MIPOL1: variants seen among roughly 807,000 people sequenced by gnomAD.
The protein encoded by MIPOL1 is mirror-image polydactyly gene 1 protein.
A neutral mutation model predicts 60.9 loss-of-function variants in MIPOL1; 57 were observed. The observed-to-expected ratio is 0.94, with a 90% confidence interval of 0.76 to 1.17. The LOEUF (loss-of-function observed/expected upper bound fraction) is 1.17, where lower values mean the gene tolerates loss of function less well. MIPOL1 is among the 50% of genes most tolerant of loss of function. The probability of loss-of-function intolerance (pLI) is 0.00; values close to 1 mark genes in which losing one functional copy is unlikely to be tolerated. For synonymous variants in MIPOL1, 179 were observed against 168.8 expected (o/e 1.06, Z -0.47); for missense variants, 551 against 511.6 (o/e 1.08, Z -0.74).
chr14:37,358,454 A>G (rs1270367278), intron 9 of MIPOL1, among the ~76,000 whole-genome samples: 2 of 151,962 alleles, frequency 1.3e-5, no homozygotes, highest in Non-Finnish European at 2.9e-5. Flanking sequence ...CACTCCCACC[A>G]AGTGTAAAAG....
At chr14:37,407,281 C>A (rs1230109908) in intron 10 of MIPOL1, among the ~76,000 whole-genome samples, 2 of 152,022 alleles carry the variant, frequency 1.3e-5, no homozygotes. Flanking sequence ...CACTACTAAT[C>A]CAAAGTCTAA....
At chr14:37,515,292 G>GAA (rs368304881) in intron 12 of MIPOL1, among the ~76,000 whole-genome samples, 18 of 127,628 alleles carry the variant, frequency 1.4e-4, no homozygotes, top group South Asian at 2.4e-4. Context: ...TAAATATAAT[G>GAA]AAAAAAAAAA....
chr14:37,254,557 C>T (rs1974614705), intron 3 of MIPOL1, among the ~76,000 whole-genome samples: 1 of 151,764 alleles, frequency 6.6e-6, no homozygotes, highest in Non-Finnish European at 1.5e-5. Context: ...CCCACAAACA[C>T]CCAACCTCTG....
chr14:37,306,005 A>G (rs1289399938), intron 7 of MIPOL1, among the ~76,000 whole-genome samples: 3 of 151,902 alleles, frequency 2.0e-5, no homozygotes, highest in Non-Finnish European at 4.4e-5. Context: ...AATTATTTAA[A>G]GTCTGAATAC....
chr14:37,359,940 A>C (rs972016377), intron 9 of MIPOL1, among the ~76,000 whole-genome samples: 7 of 152,076 alleles, frequency 4.6e-5, no homozygotes, highest in African/African-American at 1.7e-4. Context: ...CATTCAGTAT[A>C]ATATTGGCTG....
intron 11 of MIPOL1, among the ~76,000 whole-genome samples, chr14:37,494,480 C>A (rs1318093444): frequency 6.6e-6 from 1 of 152,116 alleles, no homozygotes; most frequent in South Asian, 2.1e-4. Flanking sequence ...CAAACAAATA[C>A]CTTCAGCAGA....
rs896068688 is a variant in MIPOL1, at chr14:37,549,955, A to C, written c.*2984A>C. On this transcript the variant is annotated 3_prime_UTR_variant, in exon 13 of 13. Coordinates refer to ENST00000684589, the MANE Select transcript of MIPOL1 (RefSeq NM_001388067.1). ...CTTCAAGGCTTGCTCTATCTCCTAG[A>C]GCAATTTAGAGCTAAAACCAGTAAT... 6.6e-6 allele frequency: 1 copy of C among 151,972 alleles called. No homozygotes were observed. Among genetic ancestry groups the C allele is most frequent in the Non-Finnish European group, 1.5e-5 (1 of 67,844 alleles). The allele number at this position is 151,972 out of a possible 1,614,324, so 9.4% of individuals were successfully genotyped here. A position where few individuals can be genotyped will look rare whatever the true frequency, so the allele number is the denominator to read the frequency against.
intron 7 of MIPOL1, among the ~76,000 whole-genome samples, chr14:37,297,294 G>A (rs1378497349): frequency 8.5e-5 from 13 of 152,162 alleles, no homozygotes; most frequent in Non-Finnish European, 7.3e-5. Context: ...AGGTATTGAT[G>A]GGATGTATCT....
At chr14:37,445,833 T>G (rs1047200173) in intron 11 of MIPOL1, among the ~76,000 whole-genome samples, 12 of 152,342 alleles carry the variant, frequency 7.9e-5, no homozygotes, top group African/African-American at 2.9e-4. Context: ...AAGGATTCCC[T>G]GTTTAATAAA....
At chr14:37,419,445 A>C (rs1205519891) in intron 10 of MIPOL1, among the ~76,000 whole-genome samples, 2 of 152,188 alleles carry the variant, frequency 1.3e-5, no homozygotes, top group Non-Finnish European at 2.9e-5. Flanking sequence ...TTACAGAACT[A>C]TATAGTGAAA....
intron 9 of MIPOL1, among the ~76,000 whole-genome samples, chr14:37,341,947 A>G (rs895728101): frequency 1.3e-5 from 2 of 152,222 alleles, no homozygotes; most frequent in Non-Finnish European, 2.9e-5. Context: ...TCTCTTCAAA[A>G]TGGTATAATA....
At chr14:37,523,385 A>C (rs896508455) in intron 12 of MIPOL1, 3 of 347,458 alleles carry the variant, frequency 8.6e-6, no homozygotes, top group African/African-American at 6.3e-5. Context: ...GAAAATTTAA[A>C]CACAAATCAT....
rs575459918 is a variant in MIPOL1 at position 37,550,184 on chromosome 14, T to A, written c.*3213T>A. On this transcript the variant is annotated 3_prime_UTR_variant, in exon 13 of 13. Coordinates refer to ENST00000684589, the MANE Select transcript of MIPOL1 (RefSeq NM_001388067.1). Reference sequence around the variant, plus strand: ...TATTCAAATAAATTCAGTCATCTTCTTATCAGGTTGCTTATTTATATAATT... The same window carrying A: ...TATTCAAATAAATTCAGTCATCTTCATATCAGGTTGCTTATTTATATAATT... 9.1e-4 allele frequency: 137 copies of A among 151,380 alleles called. 1 individual carries two copies. Among genetic ancestry groups the A allele is most frequent in the African/African-American group, 2.4e-3 (99 of 41,486 alleles). The allele number at this position is 151,380 out of a possible 1,614,324, so 9.4% of individuals were successfully genotyped here.
intron 7 of MIPOL1, among the ~76,000 whole-genome samples, chr14:37,304,480 G>A (rs2086620273): frequency 6.6e-6 from 1 of 151,642 alleles, no homozygotes; most frequent in Non-Finnish European, 1.5e-5. Flanking sequence ...CTTTGCTATT[G>A]TTGGTACTTT....
chr14:37,494,146 T>C (rs1010657484), intron 11 of MIPOL1, among the ~76,000 whole-genome samples: 7 of 152,192 alleles, frequency 4.6e-5, no homozygotes, highest in East Asian at 1.9e-4. Flanking sequence ...TTTATTCCTA[T>C]TGGAAAATTC....
chr14:37,538,290 A>G (rs2095515198), intron 12 of MIPOL1, among the ~76,000 whole-genome samples: 2 of 152,260 alleles, frequency 1.3e-5, no homozygotes, highest in African/African-American at 4.8e-5. Context: ...AGATCAAGAA[A>G]TGATTGCACA....
chr14:37,321,859 T>C (rs1335988127), intron 9 of MIPOL1, among the ~76,000 whole-genome samples: 1 of 152,008 alleles, frequency 6.6e-6, no homozygotes. Context: ...CCTTAATGTC[T>C]ACTTATATAT....
At chr14:37,230,211 A>T (rs1245686953) in intron 1 of MIPOL1, among the ~76,000 whole-genome samples, 3 of 152,224 alleles carry the variant, frequency 2.0e-5, no homozygotes, top group Non-Finnish European at 4.4e-5. Context: ...ATATGCATTT[A>T]AAAATCATTA....
chr14:37,356,663 C>T lies in MIPOL1; in HGVS notation c.829-12854C>T, dbSNP rs113676898. Among the ~76,000 whole-genome samples, 745 of 152,264 alleles carry T rather than the reference C, an allele frequency of 4.9e-3. 7 individuals are homozygous for T. The highest frequency in any genetic ancestry group is 0.016 in the African/African-American group (649 of 41,548). On this transcript the variant is annotated intron_variant, in intron 9 of 12. Transcript: ENST00000684589. The stretch of plus-strand genomic sequence containing the variant: ...GCGCAGTATTCGGGTGGGAGTGACC[C>T]GATTTTCCAGGTGCCGTCCGTCACC...
Sources: gnomAD v4.1 joint callset for allele counts (sites outside exome capture counted in the v4.1 genomes callset) on GRCh38, gnomAD v4.1.1 for gene constraint, MANE v1.5 for transcripts, NCBI Gene and HGNC (gene_info 2026-07-23, HGNC 2026-07-21) for gene names.